The following LIN28A variants were observed in gnomAD, a reference collection of about 807,000 sequenced individuals.
The protein encoded by LIN28A is protein lin-28 homolog A.
LIN28A carries 11 observed loss-of-function variants against 21.1 expected under a neutral mutation model. That is an observed-to-expected ratio of 0.52 (90% CI 0.33 to 0.86). The LOEUF is 0.86. Ranked by LOEUF, LIN28A falls within the 40% of genes least tolerant of loss-of-function variation. The pLI is 0.03. For missense variants in LIN28A, 219 were observed against 279.8 expected, an observed-to-expected ratio of 0.78 and a Z score of 1.55; for synonymous variants, 111 against 108.7, an observed-to-expected ratio of 1.02 and a Z score of -0.13.
intron 2 of LIN28A, among the ~76,000 whole-genome samples, chr1:26,416,589 C>A (rs1488379512): frequency 6.6e-6 from 1 of 151,994 alleles, no homozygotes; most frequent in Non-Finnish European, 1.5e-5. Context: ...ACAGTTGATA[C>A]AGACTTATTT....
chr1:26,423,978 G>A (rs1307088447), intron 2 of LIN28A, among the ~76,000 whole-genome samples: 1 of 151,108 alleles, frequency 6.6e-6, no homozygotes, highest in Non-Finnish European at 1.5e-5. Flanking sequence ...TAGCCAGGAT[G>A]GTCTCGATCT....
In LIN28A at chr1:26,425,322, G is replaced by T; in HGVS notation, c.248G>T (p.Gly83Val). 1 of 1,613,572 alleles carries T rather than the reference G, an allele frequency of 6.2e-7. No homozygotes were observed. Among genetic ancestry groups the T allele is most frequent in the East Asian group, 2.2e-5 (1 of 44,886 alleles). ...CACCAGAGTAAGCTGCACATGGAAG[G>T]GTTCCGGAGCTTGAAGGAGGGTGAG... ...FVHQSKLHME[G>V]FRSLKEGEAV... The change falls in exon 3 of 4, where the codon GGG (glycine) becomes GTG (valine). Residue 83 changes from glycine (G) to valine (V), a missense_variant. Gly to Val is a moderately radical substitution (Grantham distance 109). Around this residue, in one of 3 missense-constraint regions of LIN28A, gnomAD observed 124 missense variants for 193.1 expected, o/e 0.64. Transcript: ENST00000326279.
chr1:26,412,574 T>G (rs1302354435), intron 2 of LIN28A, among the ~76,000 whole-genome samples: 1 of 152,096 alleles, frequency 6.6e-6, no homozygotes, highest in African/African-American at 2.4e-5. Flanking sequence ...TTTGGAGGTT[T>G]GGGACTGGAT....
At chr1:26,416,045 T>G (rs1364941483) in intron 2 of LIN28A, among the ~76,000 whole-genome samples, 1 of 152,100 alleles carries the variant, frequency 6.6e-6, no homozygotes, top group East Asian at 1.9e-4. Context: ...CAGGCTGGAG[T>G]GCAGTGGCAC....
chr1:26,418,855 A>C (rs1451456195), intron 2 of LIN28A, among the ~76,000 whole-genome samples: 1 of 118,120 alleles, frequency 8.5e-6, no homozygotes, highest in African/African-American at 3.2e-5. Flanking sequence ...AGAATTTTCT[A>C]TATCTAGTTC....
intron 2 of LIN28A, among the ~76,000 whole-genome samples, chr1:26,412,477 C>G (rs898381654): frequency 6.6e-6 from 1 of 152,160 alleles, no homozygotes; most frequent in Non-Finnish European, 1.5e-5. Context: ...TCCTGAATAT[C>G]CTAGAGGCAT....
intron 2 of LIN28A, among the ~76,000 whole-genome samples, chr1:26,419,117 T>C (rs1373037572): frequency 6.6e-6 from 1 of 151,518 alleles, no homozygotes; most frequent in African/African-American, 2.4e-5. Context: ...TTGTGTGTGG[T>C]TGGGGGTGGA....
In LIN28A at chr1:26,411,852, A is replaced by T. The variant is rs1223093900; in HGVS notation, c.228+270A>T. On this transcript the variant is annotated intron_variant, in intron 2 of 3. Coordinates refer to ENST00000326279, the MANE Select transcript of LIN28A (RefSeq NM_024674.6). The surrounding 1 kb of genome is among the most constrained non-coding windows in gnomAD (Gnocchi z 5.4). ...TTACCTCTTTCCCCTGGGAAGGGGC[A>T]GGGGGCAGGGAGGTGACCCCATGTG... Among the ~76,000 whole-genome samples, 1 of 152,172 alleles carries T rather than the reference A, an allele frequency of 6.6e-6. No homozygotes were observed. Among genetic ancestry groups the T allele is most frequent in the Non-Finnish European group, 1.5e-5 (1 of 68,022 alleles).
chr1:26,420,249 G>A (rs2075020943), intron 2 of LIN28A, among the ~76,000 whole-genome samples: 1 of 152,140 alleles, frequency 6.6e-6, no homozygotes. Flanking sequence ...ACAGTTGTGA[G>A]CCACCATGCC....
At chr1:26,419,513 A>G (rs144927121) in intron 2 of LIN28A, among the ~76,000 whole-genome samples, 1 of 152,276 alleles carries the variant, frequency 6.6e-6, no homozygotes, top group East Asian at 1.9e-4. Flanking sequence ...GAGAGGGGAT[A>G]TTCTTCTAAG....
chr1:26,417,906 G>C (rs1009173176), intron 2 of LIN28A, among the ~76,000 whole-genome samples: 9 of 152,144 alleles, frequency 5.9e-5, no homozygotes, highest in African/African-American at 2.2e-4. Context: ...TCTTGCGGAA[G>C]AGCCAAGAAC....
At chr1:26,423,767 G>C (rs9438546) in intron 2 of LIN28A, among the ~76,000 whole-genome samples, 1 of 151,150 alleles carries the variant, frequency 6.6e-6, no homozygotes, top group Non-Finnish European at 1.5e-5. Context: ...TTTGTTTGTT[G>C]GTTTGTTTGT....
chr1:26,423,413 C>CTTTTTTTTTTTTTTTTTT (rs1202952934), intron 2 of LIN28A, among the ~76,000 whole-genome samples: 955 of 78,862 alleles, frequency 0.012, 10 homozygotes, highest in East Asian at 0.027. Context: ...TTTTCTTTTT[C>CTTTTTTTTTTTTTTTTTT]TTTTTTTTTT....
chr1:26,415,298 G>C (rs144142945), intron 2 of LIN28A, among the ~76,000 whole-genome samples: 1 of 152,294 alleles, frequency 6.6e-6, no homozygotes, highest in African/African-American at 2.4e-5. Context: ...GAGGTGGTAA[G>C]AGCAACTTTA....
chr1:26,418,332 G>T (rs550354519), intron 2 of LIN28A, among the ~76,000 whole-genome samples: 6 of 152,126 alleles, frequency 3.9e-5, no homozygotes, highest in Non-Finnish European at 8.8e-5. Context: ...AGATCATGAG[G>T]TCAGGAGATC....
chr1:26,411,006 C>T lies in LIN28A; in HGVS notation c.31+84C>T. 6.6e-7 allele frequency: 1 copy of T among 1,522,188 alleles called. No homozygotes were observed. Among genetic ancestry groups the T allele is most frequent in the Non-Finnish European group, 8.9e-7 (1 of 1,129,766 alleles). The allele number at this position is 1,522,188 out of a possible 1,614,324, so 94.3% of individuals were successfully genotyped here. On this transcript the variant is annotated intron_variant, in intron 1 of 3. Transcript: ENST00000326279. The surrounding 1 kb of genome is among the most constrained non-coding windows in gnomAD (Gnocchi z 5.4). ...TAGAAGGGAGGTGGGGAACTGAGTCCTAGGCTGCCCAAAGGACCCCAAGAC... is the reference window on the plus strand; with the variant it reads ...TAGAAGGGAGGTGGGGAACTGAGTCTTAGGCTGCCCAAAGGACCCCAAGAC...
At chr1:26,424,528 C>T (rs764089236) in intron 2 of LIN28A, among the ~76,000 whole-genome samples, 3 of 152,202 alleles carry the variant, frequency 2.0e-5, no homozygotes, top group Non-Finnish European at 4.4e-5. Flanking sequence ...GCGTAAGCCA[C>T]CGTGTGTGGC....
At position 26,425,474 on chromosome 1, in the gene LIN28A, T is replaced by G; in HGVS notation, c.400T>G (p.Ser134Ala). The change falls in exon 3 of 4, where the codon TCA becomes GCA. Residue 134 changes from serine to alanine, a missense_variant. This residue lies in a region of LIN28A where 124 missense variants were observed against 193.1 expected (regional missense o/e 0.64). Transcript: ENST00000326279. ...PKGKSMQKRR[S>A]KGDRCYNCGG... ...AGGAAAGAGCATGCAGAAGCGCAGA[T>G]CAAAAGGAGACAGGTATGGATTGGA... The G allele has an allele frequency of 6.2e-7, 1 of 1,613,924 alleles. No individual in the cohort carries two copies. Among genetic ancestry groups the G allele is most frequent in the Non-Finnish European group, 8.5e-7 (1 of 1,179,942 alleles).
chr1:26,411,375 C>G lies in LIN28A; in HGVS notation c.32-11C>G, dbSNP rs533690991. 7.6e-6 allele frequency: 12 copies of G among 1,570,896 alleles called. No homozygotes were observed. The South Asian group carries it at 9.2e-5, about 12-fold the overall frequency. ...CCCCCCAGCTAAGTGCCCGGCCCTC[C>G]CTCTCTCCAGGTGGCTGCGCCAAGG... is the stretch of plus-strand genomic sequence containing the variant. On this transcript the variant is annotated splice_polypyrimidine_tract_variant and intron_variant, in intron 1 of 3. Transcript: ENST00000326279. This position sits in a 1 kb window ranked among gnomAD's most constrained non-coding sequence, Gnocchi z 5.4.
Sources: allele counts gnomAD v4.1 joint callset (sites outside exome capture counted in the v4.1 genomes callset), GRCh38; gene constraint gnomAD v4.1.1; regional missense constraint gnomAD v4.1.1; non-coding constraint Gnocchi (gnomAD v3.1); transcripts MANE v1.5; gene names NCBI Gene and HGNC (gene_info 2026-07-23, HGNC 2026-07-21).